The following NHS variants were observed in gnomAD, a reference collection of about 807,000 sequenced individuals.
NHS encodes actin remodeling regulator NHS.
In NHS, 5 loss-of-function variants were observed where a neutral mutation model predicts 72.5. That is an observed-to-expected ratio of 0.07 (90% CI 0.04 to 0.14). The LOEUF is 0.14. NHS is among the 10% of genes least tolerant of loss of function. The probability of loss-of-function intolerance (pLI) is 1.00; values close to 1 mark genes in which losing one functional copy is unlikely to be tolerated. For missense variants in NHS, 1,072 were observed against 1,355.7 expected (o/e 0.79, Z 3.29); for synonymous variants, 464 against 547.7 (o/e 0.85, Z 2.13).
intron 1 of NHS, among the ~76,000 whole-genome samples, chrX:17,662,333 C>T (rs1222692513): frequency 9.0e-6 from 1 of 111,447 alleles, no homozygotes; most frequent in Non-Finnish European, 1.9e-5. Flanking sequence ...AAGGATTTTC[C>T]CCTCCTCATA....
chrX:17,716,962 C>CTTT (rs768134707), intron 3 of NHS, among the ~76,000 whole-genome samples: 1 of 95,517 alleles, frequency 1.0e-5, no homozygotes, highest in Non-Finnish European at 2.1e-5. Flanking sequence ...TCCCCTTACT[C>CTTT]TTTTTTTTTT....
intron 1 of NHS, among the ~76,000 whole-genome samples, chrX:17,639,307 C>T (rs1446292458): frequency 8.9e-6 from 1 of 112,112 alleles, no homozygotes; most frequent in East Asian, 2.8e-4. Flanking sequence ...CAGTTCTGTT[C>T]TTGAGGACTT....
chrX:17,719,950 C>A (rs2066395738), intron 4 of NHS, among the ~76,000 whole-genome samples: 1 of 110,926 alleles, frequency 9.0e-6, no homozygotes, highest in African/African-American at 3.3e-5. Context: ...CTTTGTCTCC[C>A]TCTTTCTCTC....
rs868794962 is a variant in NHS, at chrX:17,516,577, A to G, written c.565+140255A>G. On this transcript the variant is annotated intron_variant, in intron 1 of 8. Transcript: ENST00000676302. Reference sequence around the variant, plus strand: ...TTACAACACACACACACGCGCACACACACACACACACACACACACACACAC... The same window carrying G: ...TTACAACACACACACACGCGCACACGCACACACACACACACACACACACAC... 7.2e-3 allele frequency among the ~76,000 whole-genome samples: 764 copies of G among 105,805 alleles called. 7 individuals are homozygous for G. The highest frequency in any genetic ancestry group is 0.026 in the African/African-American group (735 of 27,980). 91.9% of individuals were successfully genotyped at this position (105,805 alleles called of 115,157 possible).
At chrX:17,638,756 C>T (rs1389179466) in intron 1 of NHS, among the ~76,000 whole-genome samples, 1 of 112,247 alleles carries the variant, frequency 8.9e-6, no homozygotes, top group East Asian at 2.8e-4. Context: ...AGTAGATGCT[C>T]AATCCATGGT....
At chrX:17,704,832 G>A (rs2066286905) in intron 3 of NHS, among the ~76,000 whole-genome samples, 2 of 112,090 alleles carry the variant, frequency 1.8e-5, no homozygotes, top group Admixed American at 9.5e-5. Flanking sequence ...AGCTTGGGGT[G>A]CCACGTGGAA....
chrX:17,498,587 G>C (rs1332824483), intron 1 of NHS, among the ~76,000 whole-genome samples: 1 of 111,359 alleles, frequency 9.0e-6, no homozygotes, highest in Admixed American at 9.6e-5. Context: ...ATCTAGGTTT[G>C]GGGGTAGAAA....
At chrX:17,693,412 T>C (rs185641389) in intron 3 of NHS, among the ~76,000 whole-genome samples, 61 of 112,462 alleles carry the variant, frequency 5.4e-4, no homozygotes, top group African/African-American at 1.7e-3. Flanking sequence ...TGCTGTCTTG[T>C]CATTCTGGTT....
chrX:17,603,450 G>C (rs2065662621), intron 1 of NHS, among the ~76,000 whole-genome samples: 1 of 111,850 alleles, frequency 8.9e-6, no homozygotes, highest in Non-Finnish European at 1.9e-5. Context: ...TTCATTTGGA[G>C]ATACTGAATT....
Position 17,725,756 on chromosome X carries a change from C to A in NHS, c.1650C>A (p.Ser550Arg). 8.3e-7 allele frequency: 1 copy of A among 1,211,517 alleles called. No homozygotes were observed. The highest frequency in any genetic ancestry group is 1.1e-6 in the Non-Finnish European group (1 of 895,475). ...CTAATGATTTCAGTGAGGCTCCAAGCAGCCCGAGTGCCCAGGACCACCAGC... is the reference window on the plus strand; with the variant it reads ...CTAATGATTTCAGTGAGGCTCCAAGAAGCCCGAGTGCCCAGGACCACCAGC... ...RTPNDFSEAP[S>R]SPSAQDHQPT... The change falls in exon 7 of 9, where the codon AGC (serine) becomes AGA (arginine). Residue 550 changes from serine to arginine, a missense_variant. By Grantham distance (110) the Ser-to-Arg change is moderately radical. Transcript: ENST00000676302.
intron 1 of NHS, among the ~76,000 whole-genome samples, chrX:17,599,191 G>A (rs1219403949): frequency 8.9e-6 from 1 of 111,970 alleles, no homozygotes; most frequent in Non-Finnish European, 1.9e-5. Flanking sequence ...AGAGAATGCT[G>A]CTATATACAC....
chrX:17,719,483 C>A, intron 4 of NHS, 77 bp downstream of exon 4: 2 of 808,117 alleles, frequency 2.5e-6, no homozygotes, highest in Non-Finnish European at 3.4e-6. Context: ...CCTCTTTTAA[C>A]TTTATGGAAA....
chrX:17,435,334 C>T (rs1428551656), intron 1 of NHS, among the ~76,000 whole-genome samples: 4 of 111,749 alleles, frequency 3.6e-5, no homozygotes, highest in Non-Finnish European at 7.5e-5. Context: ...GAAGGCTTTC[C>T]AGGTTGCTGA....
intron 1 of NHS, among the ~76,000 whole-genome samples, chrX:17,444,901 T>C (rs1369970001): frequency 9.0e-6 from 1 of 111,467 alleles, no homozygotes; most frequent in Non-Finnish European, 1.9e-5. Flanking sequence ...ACTGTCTTGT[T>C]GGCTTTGTGT....
rs186366277 is a variant in NHS at position 17,387,058 on chromosome X, G to A, written c.565+10736G>A. Among the ~76,000 whole-genome samples, 6 of 112,162 alleles carry A rather than the reference G, an allele frequency of 5.3e-5. No homozygotes were observed. In the East Asian group the frequency reaches 1.7e-3, roughly 31 times the overall value. ...AAATTATTGTTCAGACGGATTCAAG[G>A]CCAGAGCCCACTGGCAGGCAGTACT... On this transcript the variant is annotated intron_variant, in intron 1 of 8. Coordinates refer to ENST00000676302, the MANE Select transcript of NHS (RefSeq NM_001291867.2).
chrX:17,539,167 C>T (rs1050976822), intron 1 of NHS, among the ~76,000 whole-genome samples: 2 of 111,735 alleles, frequency 1.8e-5, no homozygotes, highest in African/African-American at 6.5e-5. Flanking sequence ...CTTGCTGTTC[C>T]CTCTGCCTGG....
chrX:17,671,200 AC>A, intron 1 of NHS, among the ~76,000 whole-genome samples: 1 of 112,613 alleles, frequency 8.9e-6, no homozygotes, highest in Non-Finnish European at 1.9e-5. Flanking sequence ...GTGTGTTAGA[AC>A]AAAGAGTTAC....
At chrX:17,536,691 C>G (rs535394602) in intron 1 of NHS, among the ~76,000 whole-genome samples, 44 of 112,417 alleles carry the variant, frequency 3.9e-4, no homozygotes, top group East Asian at 1.4e-3. Context: ...TTAAGAAAAT[C>G]TAAAAGTATA....
chrX:17,470,936 G>T (rs1350272589), intron 1 of NHS, among the ~76,000 whole-genome samples: 1 of 111,160 alleles, frequency 9.0e-6, no homozygotes, highest in Non-Finnish European at 1.9e-5. Context: ...GATGGCAGTG[G>T]GGGGGTGTTG....
Sources: gnomAD v4.1 joint callset for allele counts (sites outside exome capture counted in the v4.1 genomes callset) on GRCh38, gnomAD v4.1.1 for gene constraint, MANE v1.5 for transcripts, NCBI Gene and HGNC (gene_info 2026-07-23, HGNC 2026-07-21) for gene names.